Variants in MIOS observed in about 807,000 individuals in gnomAD.
The protein encoded by MIOS is meiosis regulator for oocyte development, also known as GATOR2 complex protein MIOS.
A neutral mutation model predicts 96.9 loss-of-function variants in MIOS; 52 were observed. The observed-to-expected ratio is 0.54, with a 90% CI of 0.43 to 0.68. MIOS has a LOEUF of 0.68. Ranked by LOEUF, MIOS falls within the 30% of genes least tolerant of loss-of-function variation. MIOS has a pLI of 0.00. For synonymous variants in MIOS, 397 were observed against 359.5 expected (o/e 1.10, Z -1.18); for missense variants, 1,005 against 1,052.8 (o/e 0.95, Z 0.63).
intron 11 of MIOS, 145 bp downstream of exon 11, chr7:7,596,606 A>G (rs1009192116): frequency 1.3e-6 from 1 of 747,850 alleles, no homozygotes. Flanking sequence ...TTATGTTCCT[A>G]TAATTTATGA....
At chr7:7,609,022 T>C (rs2115524556), downstream of MIOS, 1 of 152,234 alleles carries the variant, frequency 6.6e-6, no homozygotes, top group African/African-American at 2.4e-5. Flanking sequence ...AAGTCACTGG[T>C]ATTTGGGTTT....
intron 6 of MIOS, among the ~76,000 whole-genome samples, chr7:7,584,716 G>C (rs1783830357): frequency 6.6e-6 from 1 of 152,094 alleles, no homozygotes; most frequent in Admixed American, 6.6e-5. Flanking sequence ...TCAAGAAATA[G>C]ATTAAGAAAA....
At chr7:7,568,405 G>C (rs1301774364) in intron 3 of MIOS, among the ~76,000 whole-genome samples, 2 of 152,140 alleles carry the variant, frequency 1.3e-5, no homozygotes, top group African/African-American at 2.4e-5. Context: ...TCTGACTCTA[G>C]ATTGTTTTCT....
chr7:7,607,165 A>G lies in MIOS; in HGVS notation c.*73A>G. 8.8e-7 allele frequency: 1 copy of G among 1,132,268 alleles called. No homozygotes were observed. The highest frequency in any genetic ancestry group is 1.4e-5 in the South Asian group (1 of 73,270). The allele number at this position is 1,132,268 out of a possible 1,614,324, so 70.1% of individuals were successfully genotyped here. A position where few individuals can be genotyped will look rare whatever the true frequency, so the allele number is the denominator to read the frequency against. On this transcript the variant is annotated 3_prime_UTR_variant, in exon 13 of 13. Transcript: ENST00000340080. The stretch of plus-strand genomic sequence containing the variant: ...GGTGTCCTTCATAGCTCAGAAACAT[A>G]CCTCAGAACAAGCCATTCATGACTT...
Position 7,595,121 on chromosome 7 carries a change from C to G in MIOS, c.2185C>G (p.Pro729Ala), listed in dbSNP as rs776806256. 7.5e-6 allele frequency: 12 copies of G among 1,610,400 alleles called. No individual in the cohort carries two copies. The highest frequency in any genetic ancestry group is 1.1e-5 in the South Asian group (1 of 90,098). Residue 729 changes from proline (P) to alanine (A), a missense_variant, in exon 10 of 13, where the codon CCT (proline) becomes GCT (alanine). Around this residue, in one of 3 missense-constraint regions of MIOS, gnomAD observed 865 missense variants for 887.9 expected, o/e 0.97. Transcript: ENST00000340080. ...HRSKLDPSSK[P>A]LAQVFVSCNF... The stretch of plus-strand genomic sequence containing the variant: ...GAGTAAGTTGGATCCCAGTTCCAAG[C>G]CTTTAGCACAAGTAAGTACATTGTT...
rs1472145731 is a variant in MIOS at position 7,595,106 on chromosome 7, G to C, written c.2170G>C (p.Asp724His). Reference protein sequence around the residue: ...AEFDIHRSKLDPSSKPLAQVF... With the variant: ...AEFDIHRSKLHPSSKPLAQVF... ...ATTTGATATTCACAGGAGTAAGTTG[G>C]ATCCCAGTTCCAAGCCTTTAGCACA... Residue 724 changes from aspartate to histidine, a missense_variant, in exon 10 of 13, where the codon GAT (aspartate) becomes CAT (histidine). By Grantham distance (81) the Asp-to-His change is moderately conservative (BLOSUM62 -1). This residue lies in a region of MIOS where 865 missense variants were observed against 887.9 expected (regional missense o/e 0.97). Coordinates refer to ENST00000340080, the MANE Select transcript of MIOS (RefSeq NM_019005.4). The C allele has an allele frequency of 6.2e-7, 1 of 1,613,574 alleles. No individual in the cohort carries two copies. Among genetic ancestry groups the C allele is most frequent in the South Asian group, 1.1e-5 (1 of 90,922 alleles).
At chr7:7,597,504 AT>A (rs1563041053) in intron 11 of MIOS, among the ~76,000 whole-genome samples, 3,719 of 72,852 alleles carry the variant, frequency 0.051, 700 homozygotes, top group African/African-American at 0.13. Flanking sequence ...ATATATATAT[AT>A]ATATATATAT....
At chr7:7,575,793 G>T (rs1783511587) in intron 5 of MIOS, among the ~76,000 whole-genome samples, 1 of 151,964 alleles carries the variant, frequency 6.6e-6, no homozygotes, top group African/African-American at 2.4e-5. Context: ...CCACCCCTGT[G>T]TCAAAATAGT....
Position 7,607,303 on chromosome 7 carries a change from A to C in MIOS, c.*211A>C. ...CCAAAATAAACATCGAAGTATAGAC[A>C]TGAGTTCTGTTCAGCAGGTTGAAAA... On this transcript the variant is annotated 3_prime_UTR_variant, in exon 13 of 13. Transcript: ENST00000340080. 2.2e-6 allele frequency: 1 copy of C among 446,074 alleles called. No homozygotes were observed. 27.6% of individuals were successfully genotyped at this position (446,074 alleles called of 1,614,324 possible).
At chr7:7,600,712 C>A (rs375892552) in intron 11 of MIOS, among the ~76,000 whole-genome samples, 1 of 152,090 alleles carries the variant, frequency 6.6e-6, no homozygotes, top group Non-Finnish European at 1.5e-5. Context: ...CTGCACCAAG[C>A]GGACCTAATA....
In MIOS at chr7:7,572,776, A is replaced by G; in HGVS notation, c.301A>G (p.Lys101Glu). 1 of 1,614,154 alleles carries G rather than the reference A, an allele frequency of 6.2e-7. No homozygotes were observed. Among genetic ancestry groups the G allele is most frequent in the Non-Finnish European group, 8.5e-7 (1 of 1,179,974 alleles). Residue 101 changes from lysine (K) to glutamate (E), a missense_variant, in exon 4 of 13, where the codon AAA becomes GAA. Physicochemically the swap from Lys to Glu is moderately conservative, Grantham distance 56. This residue lies in a region of MIOS where 137 missense variants were observed against 148.6 expected (regional missense o/e 0.92). Transcript: ENST00000340080. This position sits in a 1 kb window ranked among gnomAD's most constrained non-coding sequence, Gnocchi z 4.8. ...SLGQDHNSKF[K>E]DLIGKEFVPK... ...TGGTCAAGATCATAACTCAAAGTTC[A>G]AAGATTTGATAGGAAAAGAGTTTGT...
intron 9 of MIOS, among the ~76,000 whole-genome samples, chr7:7,593,785 A>G (rs1483479396): frequency 6.7e-6 from 1 of 148,668 alleles, no homozygotes; most frequent in Non-Finnish European, 1.5e-5. Flanking sequence ...CTACTCAAGC[A>G]GGAGAATTGC....
intron 5 of MIOS, among the ~76,000 whole-genome samples, chr7:7,578,455 T>C (rs1443507322): frequency 6.6e-6 from 1 of 151,972 alleles, no homozygotes; most frequent in Admixed American, 6.6e-5. Context: ...GGCCCGGGAG[T>C]TTGAAACCAG....
chr7:7,572,333 G>A lies in MIOS; in HGVS notation c.-40-103G>A. 1.9e-6 allele frequency: 1 copy of A among 518,510 alleles called. No individual in the cohort carries two copies. Among genetic ancestry groups the A allele is most frequent in the Non-Finnish European group, 3.3e-6 (1 of 299,436 alleles). The allele number at this position is 518,510 out of a possible 1,614,324, so 32.1% of individuals were successfully genotyped here. A position where few individuals can be genotyped will look rare whatever the true frequency, so the allele number is the denominator to read the frequency against. On this transcript the variant is annotated intron_variant, in intron 3 of 12. Transcript: ENST00000340080. This position sits in a 1 kb window ranked among gnomAD's most constrained non-coding sequence, Gnocchi z 4.8. ...AGAAATACAAATATATTGAAAAAGA[G>A]GGTTCTTGAATAGAGAATTTTCTGA...
chr7:7,590,985 C>T (rs548506770), intron 9 of MIOS, among the ~76,000 whole-genome samples: 20 of 152,188 alleles, frequency 1.3e-4, no homozygotes, highest in African/African-American at 4.8e-4. Flanking sequence ...TTATATACTC[C>T]AACTTACAGT....
At chr7:7,568,320 A>G (rs537802336) in intron 3 of MIOS, among the ~76,000 whole-genome samples, 197 bp downstream of exon 3, 6 of 152,142 alleles carry the variant, frequency 3.9e-5, no homozygotes, top group African/African-American at 1.2e-4. Flanking sequence ...AATGGGATAG[A>G]TTTTATCTCG....
At position 7,572,777 on chromosome 7, in the gene MIOS, A is replaced by T; in HGVS notation, c.302A>T (p.Lys101Ile). ...SLGQDHNSKF[K>I]DLIGKEFVPK... Reference sequence around the variant, plus strand: ...GGTCAAGATCATAACTCAAAGTTCAAAGATTTGATAGGAAAAGAGTTTGTT... The same window carrying T: ...GGTCAAGATCATAACTCAAAGTTCATAGATTTGATAGGAAAAGAGTTTGTT... Residue 101 changes from lysine (K) to isoleucine (I), a missense_variant, in exon 4 of 13, where the codon AAA (lysine) becomes ATA (isoleucine). Physicochemically the swap from Lys to Ile is moderately radical, Grantham distance 102. Coordinates refer to ENST00000340080, the MANE Select transcript of MIOS (RefSeq NM_019005.4). The surrounding 1 kb of genome is among the most constrained non-coding windows in gnomAD (Gnocchi z 4.8). The T allele has an allele frequency of 6.2e-7, 1 of 1,614,132 alleles. No individual in the cohort carries two copies. Among genetic ancestry groups the T allele is most frequent in the Non-Finnish European group, 8.5e-7 (1 of 1,179,976 alleles).
Position 7,585,917 on chromosome 7 carries a change from A to T in MIOS, c.1818+112A>T, listed in dbSNP as rs577280519. 41 of 994,210 alleles carry T rather than the reference A, an allele frequency of 4.1e-5. No homozygotes were observed. In the South Asian group the frequency reaches 8.5e-4, roughly 21 times the overall value. 61.6% of individuals were successfully genotyped at this position (994,210 alleles called of 1,614,324 possible). A position where few individuals can be genotyped will look rare whatever the true frequency, so the allele number is the denominator to read the frequency against. On this transcript the variant is annotated intron_variant, in intron 7 of 12. Coordinates refer to ENST00000340080, the MANE Select transcript of MIOS (RefSeq NM_019005.4). Reference sequence around the variant, plus strand: ...CATAAAATATTATATTTTTATGCATATGTTATTTAAAATAAGGCATCTTGG... The same window carrying T: ...CATAAAATATTATATTTTTATGCATTTGTTATTTAAAATAAGGCATCTTGG...
chr7:7,569,507 A>T (rs1013390748), intron 3 of MIOS, among the ~76,000 whole-genome samples: 26 of 152,224 alleles, frequency 1.7e-4, no homozygotes, highest in African/African-American at 6.0e-4. Flanking sequence ...AATAGGTAAA[A>T]CTTGGAGATA....
Sources: gnomAD v4.1 joint callset for allele counts (sites outside exome capture counted in the v4.1 genomes callset) on GRCh38, gnomAD v4.1.1 for gene constraint, gnomAD v4.1.1 regional missense constraint, Gnocchi (gnomAD v3.1) non-coding constraint, MANE v1.5 for transcripts, NCBI Gene and HGNC (gene_info 2026-07-23, HGNC 2026-07-21) for gene names.